HSPA12A: variants seen among roughly 807,000 people sequenced by gnomAD.
The protein encoded by HSPA12A is heat shock protein family A (Hsp70) member 12A.
HSPA12A carries 28 observed loss-of-function variants against 69.2 expected under a neutral mutation model. That is an observed-to-expected ratio of 0.40 (90% CI 0.30 to 0.55). HSPA12A has a LOEUF of 0.55. Among genes scored for constraint, HSPA12A ranks in the 20% least tolerant of loss-of-function variants. The pLI, the probability that HSPA12A is intolerant of heterozygous loss-of-function variation, is 0.38. For missense variants in HSPA12A, 686 were observed against 900.7 expected (o/e 0.76, Z 3.05); for synonymous variants, 345 against 370.5 (o/e 0.93, Z 0.79).
At chr10:116,758,823 G>A (rs567569921) in intron 2 of HSPA12A, among the ~76,000 whole-genome samples, 1 of 152,290 alleles carries the variant, frequency 6.6e-6, no homozygotes, top group Admixed American at 6.5e-5. Context: ...AATAAAGAGT[G>A]TGGACTCAGA....
intron 2 of HSPA12A, among the ~76,000 whole-genome samples, chr10:116,789,497 G>C (rs773098416): frequency 6.6e-6 from 1 of 151,952 alleles, no homozygotes; most frequent in Non-Finnish European, 1.5e-5. Context: ...TTATCCTCTC[G>C]ATGATAGAAT....
chr10:116,702,122 C>CAGAG (rs60517749), intron 3 of HSPA12A, among the ~76,000 whole-genome samples: 1,849 of 149,312 alleles, frequency 0.012, 28 homozygotes, highest in African/African-American at 0.03. Context: ...AAAGAAATGA[C>CAGAG]AGAGAGAGAG....
Position 116,728,606 on chromosome 10 carries a change from G to A in HSPA12A, c.40+13824C>T, listed in dbSNP as rs1199794679. 7.9e-5 allele frequency among the ~76,000 whole-genome samples: 12 copies of A among 152,216 alleles called. 1 individual carries two copies. The highest frequency in any genetic ancestry group is 5.8e-4 in the East Asian group (3 of 5,172). ...TTTGGGAAACACAGCACTGATTATCGCATTCTTTCCAACTGAGCCAGAGGT... is the reference window on the plus strand; with the variant it reads ...TTTGGGAAACACAGCACTGATTATCACATTCTTTCCAACTGAGCCAGAGGT... On this transcript the variant is annotated intron_variant, in intron 1 of 11. Transcript: ENST00000369209.
intron 2 of HSPA12A, among the ~76,000 whole-genome samples, chr10:116,751,549 TA>T (rs1554888362): frequency 6.6e-6 from 1 of 152,192 alleles, no homozygotes; most frequent in Non-Finnish European, 1.5e-5. Context: ...GAGAATGCTA[TA>T]AGGACCCCTC....
intron 2 of HSPA12A, among the ~76,000 whole-genome samples, chr10:116,768,662 T>C (rs1844132917): frequency 6.6e-6 from 1 of 152,130 alleles, no homozygotes; most frequent in Admixed American, 6.5e-5. Context: ...TACAGGAGCC[T>C]GGCTAATTCT....
chr10:116,700,129 G>A (rs1850038613), intron 4 of HSPA12A, among the ~76,000 whole-genome samples: 1 of 152,230 alleles, frequency 6.6e-6, no homozygotes, highest in African/African-American at 2.4e-5. Context: ...ACAAGGCAGG[G>A]AGGGGTTACA....
At chr10:116,764,296 T>C (rs185532509) in intron 2 of HSPA12A, among the ~76,000 whole-genome samples, 1 of 152,340 alleles carries the variant, frequency 6.6e-6, no homozygotes, top group African/African-American at 2.4e-5. Context: ...TATCGTAGGC[T>C]GAATTGTGAT....
chr10:116,708,260 A>G (rs1850321472), intron 1 of HSPA12A: 1 of 152,064 alleles, frequency 6.6e-6, no homozygotes. Context: ...GGCACGTGCA[A>G]CGACCCAGCA....
intron 1 of HSPA12A, among the ~76,000 whole-genome samples, chr10:116,724,575 CAG>C (rs1288184003): frequency 2.0e-5 from 3 of 152,172 alleles, no homozygotes; most frequent in Non-Finnish European, 4.4e-5. Flanking sequence ...AAGGGGTTAA[CAG>C]GGGCTGCCTC....
intron 2 of HSPA12A, among the ~76,000 whole-genome samples, chr10:116,773,070 G>C (rs556759290): frequency 9.2e-5 from 14 of 152,272 alleles, no homozygotes; most frequent in Middle Eastern, 3.4e-3. Context: ...CTAAAAGTCT[G>C]GGTGAGCCAG....
chr10:116,681,035 G>A lies in HSPA12A; in HGVS notation c.1027+117C>T, dbSNP rs547399558. 5 of 691,840 alleles carry A rather than the reference G, an allele frequency of 7.2e-6. No homozygotes were observed. The East Asian group carries it at 1.3e-4, about 18-fold the overall frequency. 42.9% of individuals were successfully genotyped at this position (691,840 alleles called of 1,614,324 possible). ...GACATTAGTATCCTCCACCGCCTAC[G>A]ATCCCACATGTTAGTGGCATTCAAG... On this transcript the variant is annotated intron_variant, in intron 9 of 11. Transcript: ENST00000369209.
At chr10:116,742,289 C>T (rs1851537958) in intron 1 of HSPA12A, 141 bp downstream of exon 1, 1 of 927,354 alleles carries the variant, frequency 1.1e-6, no homozygotes, top group Non-Finnish European at 1.4e-6. Context: ...CTGACCCCGG[C>T]CCCGCCCGCC....
chr10:116,687,997 T>A (rs1849625799), intron 6 of HSPA12A, among the ~76,000 whole-genome samples: 1 of 151,494 alleles, frequency 6.6e-6, no homozygotes, highest in South Asian at 2.1e-4. Flanking sequence ...TTTTTGCGAT[T>A]TTTTTTTTAG....
intron 2 of HSPA12A, among the ~76,000 whole-genome samples, chr10:116,787,003 CACACAT>C (rs748870860): frequency 0.39 from 46,323 of 117,760 alleles, 8,019 homozygotes; most frequent in Admixed American, 0.52. Flanking sequence ...CACACACACA[CACACAT>C]ACACACACGC....
chr10:116,741,245 G>C (rs961898781), intron 1 of HSPA12A, among the ~76,000 whole-genome samples: 2 of 152,204 alleles, frequency 1.3e-5, no homozygotes, highest in Admixed American at 6.5e-5. Flanking sequence ...GGGCAGGTGC[G>C]GCTTGGAGTG....
At chr10:116,714,949 A>G (rs1850561886) in intron 1 of HSPA12A, among the ~76,000 whole-genome samples, 3 of 152,230 alleles carry the variant, frequency 2.0e-5, no homozygotes, top group African/African-American at 7.2e-5. Context: ...TTAAGAGAGA[A>G]GAGCCTTCTC....
At chr10:116,685,738 G>T (rs1208240019) in intron 6 of HSPA12A, among the ~76,000 whole-genome samples, 1 of 152,084 alleles carries the variant, frequency 6.6e-6, no homozygotes, top group Non-Finnish European at 1.5e-5. Flanking sequence ...GTCCCAGTTT[G>T]CTCAGGATAG....
rs560068149 is a variant in HSPA12A, at chr10:116,785,616, G to A, written c.91+49319C>T. On this transcript the variant is annotated intron_variant, in intron 2 of 12. Coordinates refer to the HSPA12A transcript ENST00000635765. The stretch of plus-strand genomic sequence containing the variant: ...GCTCACTCCCCAGCCTTGGGGGAAC[G>A]CACACTCGGGCTCTGCTGCCCACCG... Among the ~76,000 whole-genome samples, 4 of 152,174 alleles carry A rather than the reference G, an allele frequency of 2.6e-5. No homozygotes were observed. The South Asian group carries it at 8.3e-4, about 32-fold the overall frequency.
intron 1 of HSPA12A, among the ~76,000 whole-genome samples, chr10:116,735,654 C>A (rs1440222833): frequency 6.6e-6 from 1 of 152,082 alleles, no homozygotes; most frequent in Non-Finnish European, 1.5e-5. Context: ...GGGAAGACCA[C>A]CAAAACAACC....
Sources: allele counts gnomAD v4.1 joint callset (sites outside exome capture counted in the v4.1 genomes callset), GRCh38; gene constraint gnomAD v4.1.1; transcripts MANE v1.5; gene names NCBI Gene and HGNC (gene_info 2026-07-23, HGNC 2026-07-21).